The following ZNF438 variants were observed in gnomAD, a reference collection of about 807,000 sequenced individuals.
ZNF438 encodes the protein zinc finger protein 438.
Under a neutral mutation model 38.0 loss-of-function variants are expected in ZNF438, and 25 were observed. That is an observed-to-expected ratio of 0.66 (90% CI 0.48 to 0.92). ZNF438 has a LOEUF of 0.92. ZNF438 is among the 40% of genes least tolerant of loss of function. ZNF438 has a pLI of 0.00. For synonymous variants in ZNF438, 372 were observed against 364.1 expected (o/e 1.02, Z -0.25); for missense variants, 1,007 against 999.6 (o/e 1.01, Z -0.10).
chr10:30,847,119 C>T (rs1257104637), intron 5 of ZNF438, among the ~76,000 whole-genome samples: 1 of 152,184 alleles, frequency 6.6e-6, no homozygotes, highest in African/African-American at 2.4e-5. Context: ...CAAAGAAGCT[C>T]CTGGGCAGAA....
chr10:30,872,246 T>C (rs1174203882), intron 4 of ZNF438, among the ~76,000 whole-genome samples: 3 of 151,254 alleles, frequency 2.0e-5, no homozygotes, highest in Non-Finnish European at 1.5e-5. Context: ...GCCAACATGG[T>C]AAAATCCCCT....
chr10:30,911,744 TCTC>T (rs1356965030), intron 2 of ZNF438, among the ~76,000 whole-genome samples: 1 of 152,072 alleles, frequency 6.6e-6, no homozygotes, highest in Non-Finnish European at 1.5e-5. Context: ...TCAGTACTAT[TCTC>T]CTCTTCATGC....
chr10:30,890,901 T>G (rs935035901), intron 3 of ZNF438, among the ~76,000 whole-genome samples: 1 of 152,192 alleles, frequency 6.6e-6, no homozygotes. Flanking sequence ...AAGATTTACT[T>G]TCTCTCTCAT....
intron 1 of ZNF438, among the ~76,000 whole-genome samples, chr10:31,025,280 G>A (rs2056868170): frequency 6.6e-6 from 1 of 152,242 alleles, no homozygotes; most frequent in African/African-American, 2.4e-5. Context: ...ATTTTCTGTT[G>A]TTGAGAAGTT....
chr10:30,973,242 C>A (rs936661142), intron 1 of ZNF438, among the ~76,000 whole-genome samples: 1 of 152,154 alleles, frequency 6.6e-6, no homozygotes, highest in Non-Finnish European at 1.5e-5. Context: ...CCCTCATGTA[C>A]CTGGCACTCT....
rs76780004 is a variant in ZNF438, at chr10:30,978,831, G to A, written c.-191-37180C>T. On this transcript the variant is annotated intron_variant, in intron 1 of 5. Coordinates refer to ENST00000413025, the Ensembl canonical transcript of ZNF438. Reference sequence around the variant, plus strand: ...TTTTCAAAATGGTAAATGAACATTGGCTTCAAGTCACCAGCTGCATTAGCC... The same window carrying A: ...TTTTCAAAATGGTAAATGAACATTGACTTCAAGTCACCAGCTGCATTAGCC... Among the ~76,000 whole-genome samples, 617 of 152,262 alleles carry A rather than the reference G, an allele frequency of 4.1e-3. 7 individuals carry two copies. The highest frequency in any genetic ancestry group is 0.014 in the African/African-American group (579 of 41,554).
At chr10:31,008,570 A>G (rs906294283) in intron 1 of ZNF438, among the ~76,000 whole-genome samples, 1 of 152,142 alleles carries the variant, frequency 6.6e-6, no homozygotes, top group African/African-American at 2.4e-5. Flanking sequence ...TTCACTTAGC[A>G]TGTTTTGTTA....
At chr10:30,967,988 G>T (rs1390825455) in intron 1 of ZNF438, among the ~76,000 whole-genome samples, 1 of 152,082 alleles carries the variant, frequency 6.6e-6, no homozygotes, top group South Asian at 2.1e-4. Flanking sequence ...GAGCAGAGAG[G>T]GATGGAGAAA....
chr10:30,991,708 C>A (rs1266566123), intron 1 of ZNF438, among the ~76,000 whole-genome samples: 1 of 152,120 alleles, frequency 6.6e-6, no homozygotes, highest in East Asian at 1.9e-4. Flanking sequence ...CAGCAACCAA[C>A]AAATTAGGAC....
chr10:30,898,199 A>C (rs560513287), intron 3 of ZNF438, among the ~76,000 whole-genome samples: 1 of 152,302 alleles, frequency 6.6e-6, no homozygotes, highest in Non-Finnish European at 1.5e-5. Context: ...ATGACTTTCT[A>C]TGTATACTTT....
intron 3 of ZNF438, among the ~76,000 whole-genome samples, chr10:30,878,881 C>A (rs2038841645): frequency 6.6e-6 from 1 of 152,142 alleles, no homozygotes; most frequent in Non-Finnish European, 1.5e-5. Context: ...ACAGGGCACC[C>A]CCATTGCAAA....
chr10:31,013,538 G>A (rs1303831070), intron 1 of ZNF438, among the ~76,000 whole-genome samples: 8 of 152,206 alleles, frequency 5.3e-5, no homozygotes, highest in Non-Finnish European at 1.2e-4. Context: ...TATTAGGTCA[G>A]ACTCCCTCAG....
chr10:30,922,733 T>C (rs1209374803), intron 2 of ZNF438, among the ~76,000 whole-genome samples: 7 of 151,018 alleles, frequency 4.6e-5, no homozygotes, highest in Non-Finnish European at 8.9e-5. Context: ...TACTTGGGAG[T>C]CTGAGGCAGG....
At chr10:30,982,765 A>G (rs1382352661) in intron 1 of ZNF438, among the ~76,000 whole-genome samples, 2 of 152,222 alleles carry the variant, frequency 1.3e-5, no homozygotes, top group East Asian at 3.8e-4. Context: ...AGCAAACTAC[A>G]AAGTTTCCTT....
chr10:30,933,435 C>CT (rs2045904350), intron 2 of ZNF438, among the ~76,000 whole-genome samples: 1 of 152,164 alleles, frequency 6.6e-6, no homozygotes, highest in Non-Finnish European at 1.5e-5. Flanking sequence ...CAAAATAATA[C>CT]TTGTTAACAA....
chr10:30,883,063 A>G (rs951905401), intron 3 of ZNF438, among the ~76,000 whole-genome samples: 1 of 152,194 alleles, frequency 6.6e-6, no homozygotes, highest in African/African-American at 2.4e-5. Flanking sequence ...ATGCTCTACT[A>G]TAAAAATGAG....
rs114575658 is a variant in ZNF438 at position 30,983,792 on chromosome 10, G to A, written c.-191-42141C>T. On this transcript the variant is annotated intron_variant, in intron 1 of 5. Transcript: ENST00000413025. ...ACTATACATTTTGAATCAATAAACTGACTTTTGTGCTTCAAGTAAACTTAT... is the reference window on the plus strand; with the variant it reads ...ACTATACATTTTGAATCAATAAACTAACTTTTGTGCTTCAAGTAAACTTAT... Among the ~76,000 whole-genome samples, 1,183 of 151,966 alleles carry A rather than the reference G, an allele frequency of 7.8e-3. 21 individuals carry two copies. The highest frequency in any genetic ancestry group is 0.028 in the African/African-American group (1,146 of 41,412).
intron 1 of ZNF438, among the ~76,000 whole-genome samples, chr10:31,002,401 G>A (rs778609892): frequency 1.3e-5 from 2 of 152,128 alleles, no homozygotes; most frequent in Non-Finnish European, 2.9e-5. Context: ...CCAGTGTGTT[G>A]TGTGATTTTT....
intron 1 of ZNF438, among the ~76,000 whole-genome samples, chr10:31,013,038 G>C (rs2133118256): frequency 6.6e-6 from 1 of 152,178 alleles, no homozygotes; most frequent in South Asian, 2.1e-4. Context: ...TCCCCAACTG[G>C]GCCGGGCGCG....
Sources: allele counts gnomAD v4.1 joint callset (sites outside exome capture counted in the v4.1 genomes callset), GRCh38; gene constraint gnomAD v4.1.1; transcripts MANE v1.5; gene names NCBI Gene and HGNC (gene_info 2026-07-23, HGNC 2026-07-21).